SLC28A1: variants seen among roughly 807,000 people sequenced by gnomAD.
SLC28A1 encodes the protein solute carrier family 28 member 1, also known as sodium/nucleoside cotransporter 1.
SLC28A1 carries 64 observed loss-of-function variants against 74.8 expected under a neutral mutation model. The ratio of observed to expected loss-of-function variants is 0.86; its 90% CI spans 0.70 to 1.05. The LOEUF is 1.05. Ranked by LOEUF, SLC28A1 falls within the 50% of genes least tolerant of loss-of-function variation. The probability of loss-of-function intolerance (pLI) is 0.00; values close to 1 mark genes in which losing one functional copy is unlikely to be tolerated. For missense variants in SLC28A1, 828 were observed against 822.8 expected, an observed-to-expected ratio of 1.01 and a Z score of -0.08; for synonymous variants, 359 against 335.0, an observed-to-expected ratio of 1.07 and a Z score of -0.78.
intron 6 of SLC28A1, chr15:84,895,609 G>A (rs1223099628): frequency 1.1e-5 from 16 of 1,487,772 alleles, no homozygotes; most frequent in South Asian, 9.3e-5. Context: ...TCCTTGGAGC[G>A]CTGGAAATCT....
At position 84,917,039 on chromosome 15, in the gene SLC28A1, A is replaced by AT. The variant is rs1489741351; in HGVS notation, c.796-1485_796-1484insT. Among the ~76,000 whole-genome samples, 17 of 30,202 alleles carry AT rather than the reference A, an allele frequency of 5.6e-4. 1 individual carries two copies. The highest frequency in any genetic ancestry group is 1.2e-3 in the Non-Finnish European group (10 of 8,424). 19.8% of individuals were successfully genotyped at this position (30,202 alleles called of 152,430 possible). ...TGAGATTCTGTCTCAAAAAAAAAAAAATAAATAAAAAAGGTAGGAACAGAT... is the reference window on the plus strand; with the variant it reads ...TGAGATTCTGTCTCAAAAAAAAAAAATATAAATAAAAAAGGTAGGAACAGAT... On this transcript the variant is annotated intron_variant, in intron 9 of 18. Transcript: ENST00000394573.
chr15:84,884,756 G>C lies in SLC28A1; in HGVS notation c.-133+5G>C. On this transcript the variant is annotated splice_donor_5th_base_variant and intron_variant, in intron 1 of 18. Coordinates refer to ENST00000394573, the MANE Select transcript of SLC28A1 (RefSeq NM_004213.5). ...TGGATGCTGACAGAAACAAGGGTGAGAGAAAAGGACAGTAGGAGAGGAGGG... is the reference window on the plus strand; with the variant it reads ...TGGATGCTGACAGAAACAAGGGTGACAGAAAAGGACAGTAGGAGAGGAGGG... 1.0e-6 allele frequency: 1 copy of C among 985,436 alleles called. No homozygotes were observed. Among genetic ancestry groups the C allele is most frequent in the Non-Finnish European group, 1.2e-6 (1 of 829,842 alleles). 61.0% of individuals were successfully genotyped at this position (985,436 alleles called of 1,614,324 possible).
chr15:84,945,085 A>C (rs952776973), intron 18 of SLC28A1, 40 bp from the exon 19 acceptor site: 1 of 1,581,910 alleles, frequency 6.3e-7, no homozygotes, highest in Non-Finnish European at 8.7e-7. Flanking sequence ...CCGCAGAACC[A>C]GGCCTGGAGC....
intron 15 of SLC28A1, among the ~76,000 whole-genome samples, chr15:84,942,570 G>C (rs1173619955): frequency 6.6e-6 from 1 of 152,126 alleles, no homozygotes; most frequent in African/African-American, 2.4e-5. Context: ...AGCCCTCCCA[G>C]GCAACTACTA....
In SLC28A1 at chr15:84,888,859, T is replaced by C. The variant is rs1351881474; in HGVS notation, c.184T>C (p.Trp62Arg). ...SEAAPKPFSRWRNLQPALRAR... is the reference protein window; with the variant it reads ...SEAAPKPFSRRRNLQPALRAR... ...GGCGGCGCCGAAGCCCTTCTCCAGA[T>C]GGTAGGTGATCTCTGGAGAGACAAG... The change falls in exon 4 of 19, where the codon TGG becomes CGG. Residue 62 changes from tryptophan (W) to arginine (R), a missense_variant and splice_region_variant. This residue lies in a region of SLC28A1 where 767 missense variants were observed against 753.5 expected (regional missense o/e 1.02). Coordinates refer to ENST00000394573, the MANE Select transcript of SLC28A1 (RefSeq NM_004213.5). The C allele has an allele frequency of 6.5e-7, 1 of 1,548,300 alleles. No homozygotes were observed. The highest frequency in any genetic ancestry group is 1.2e-5 in the South Asian group (1 of 83,994).
chr15:84,907,590 C>T lies in SLC28A1; in HGVS notation c.718-1128C>T, dbSNP rs112365124. ...GCGTGATCTTAGCTCATTGCAGCCT[C>T]GACCTCCTGGAATCAAGGGAACTTC... On this transcript the variant is annotated intron_variant, in intron 8 of 18. Transcript: ENST00000394573. 9.2e-5 allele frequency among the ~76,000 whole-genome samples: 14 copies of T among 152,238 alleles called. 1 individual carries two copies. The highest frequency in any genetic ancestry group is 3.4e-4 in the African/African-American group (14 of 41,530).
At chr15:84,903,528 C>G (rs1265601572) in intron 6 of SLC28A1, among the ~76,000 whole-genome samples, 1 of 152,204 alleles carries the variant, frequency 6.6e-6, no homozygotes. Context: ...TCCCACCCTT[C>G]AGGGTGCATC....
intron 12 of SLC28A1, among the ~76,000 whole-genome samples, chr15:84,931,026 C>T (rs941084732): frequency 1.9e-4 from 29 of 152,084 alleles, no homozygotes; most frequent in Admixed American, 1.4e-3. Context: ...CCACCTCGGC[C>T]TCCCAAAGTG....
chr15:84,897,221 C>CA (rs57798365), intron 6 of SLC28A1, among the ~76,000 whole-genome samples: 29,817 of 136,328 alleles, frequency 0.22, 3,631 homozygotes, highest in Middle Eastern at 0.34. Flanking sequence ...CTAAAAATAG[C>CA]AAAAAAAAAA....
intron 6 of SLC28A1, among the ~76,000 whole-genome samples, chr15:84,898,203 G>A (rs72753095): frequency 0.23 from 34,996 of 151,716 alleles, 4,656 homozygotes; most frequent in South Asian, 0.49. Flanking sequence ...AGTTTTGTGA[G>A]GAACTTCTAT....
chr15:84,905,112 G>A (rs886545774), intron 7 of SLC28A1, among the ~76,000 whole-genome samples: 1 of 152,186 alleles, frequency 6.6e-6, no homozygotes, highest in Admixed American at 6.5e-5. Flanking sequence ...GGGTCGAGGC[G>A]GCTGGGAGTC....
chr15:84,905,329 C>A (rs1431766857), intron 7 of SLC28A1, among the ~76,000 whole-genome samples: 1 of 152,202 alleles, frequency 6.6e-6, no homozygotes, highest in Non-Finnish European at 1.5e-5. Flanking sequence ...TCTTGGCCCA[C>A]CCCTCCTCAC....
chr15:84,895,413 A>G, intron 6 of SLC28A1: 1 of 1,614,080 alleles, frequency 6.2e-7, no homozygotes. Flanking sequence ...GGCCCGAATC[A>G]GTACCTCCCT....
rs757792136 is a variant in SLC28A1 at position 84,922,167 on chromosome 15, A to G, written c.957+1098A>G. Among the ~76,000 whole-genome samples, 3 of 152,046 alleles carry G rather than the reference A, an allele frequency of 2.0e-5. 1 individual carries two copies. The highest frequency in any genetic ancestry group is 4.4e-5 in the Non-Finnish European group (3 of 68,008). On this transcript the variant is annotated intron_variant, in intron 11 of 18. Coordinates refer to ENST00000394573, the MANE Select transcript of SLC28A1 (RefSeq NM_004213.5). ...TCCATCCACACTCCCTCCCTGCAGG[A>G]TCACATTAGCCCCATGGCTTTAAAC...
At chr15:84,906,520 G>GTTTCTTTCTTTCTTTCTTTC (rs1399584550) in intron 8 of SLC28A1, among the ~76,000 whole-genome samples, 2 of 54,138 alleles carry the variant, frequency 3.7e-5, no homozygotes, top group Non-Finnish European at 8.0e-5. Context: ...TTGTTTGTTT[G>GTTTCTTTCTTTCTTTCTTTC]TTTGTTTGTT....
intron 9 of SLC28A1, among the ~76,000 whole-genome samples, chr15:84,915,478 C>A (rs1596296278): frequency 6.6e-6 from 1 of 152,240 alleles, no homozygotes; most frequent in Non-Finnish European, 1.5e-5. Flanking sequence ...GCCGGGCCCT[C>A]ACCAGTCTCC....
intron 16 of SLC28A1, 24 bp from the exon 17 acceptor site, chr15:84,944,542 C>T (rs201544706): frequency 1.3e-6 from 2 of 1,559,106 alleles, no homozygotes; most frequent in African/African-American, 1.4e-5. Context: ...TTCCCAGGCC[C>T]TGAGCACTTC....
chr15:84,943,425 T>G lies in SLC28A1; in HGVS notation c.1582-20T>G, dbSNP rs769340669. On this transcript the variant is annotated intron_variant, in intron 15 of 18. Transcript: ENST00000394573. Reference sequence around the variant, plus strand: ...CCCATCTGAGGGGAGCCCCTCCTCATGCATCTTCTGTATTTTCAGGTCAGA... The same window carrying G: ...CCCATCTGAGGGGAGCCCCTCCTCAGGCATCTTCTGTATTTTCAGGTCAGA... 1 of 1,602,884 alleles carries G rather than the reference T, an allele frequency of 6.2e-7. No individual in the cohort carries two copies. The highest frequency in any genetic ancestry group is 8.5e-7 in the Non-Finnish European group (1 of 1,170,254).
chr15:84,914,157 C>T (rs1360532235), intron 9 of SLC28A1, among the ~76,000 whole-genome samples: 2 of 152,068 alleles, frequency 1.3e-5, no homozygotes, highest in African/African-American at 2.4e-5. Flanking sequence ...ACTATATTGC[C>T]GAGGCTGGTC....
Sources: allele counts gnomAD v4.1 joint callset (sites outside exome capture counted in the v4.1 genomes callset), GRCh38; gene constraint gnomAD v4.1.1; regional missense constraint gnomAD v4.1.1; transcripts MANE v1.5; gene names NCBI Gene and HGNC (gene_info 2026-07-23, HGNC 2026-07-21).